Variants in NFASC observed in about 807,000 individuals in gnomAD.
NFASC encodes neurofascin.
A neutral mutation model predicts 147.5 loss-of-function variants in NFASC; 43 were observed. The ratio of observed to expected loss-of-function variants is 0.29; its 90% CI spans 0.23 to 0.38. The LOEUF is 0.38. Among genes scored for constraint, NFASC ranks in the 10% least tolerant of loss-of-function variants. The probability of loss-of-function intolerance (pLI) is 1.00; values close to 1 mark genes in which losing one functional copy is unlikely to be tolerated. For missense variants in NFASC, 1,320 were observed against 1,689.0 expected, an observed-to-expected ratio of 0.78 and a Z score of 3.83; for synonymous variants, 622 against 665.5, an observed-to-expected ratio of 0.93 and a Z score of 1.01.
At chr1:204,836,158 CTGTGTGTGCG>C (rs1673730603) in intron 1 of NFASC, among the ~76,000 whole-genome samples, 1 of 151,850 alleles carries the variant, frequency 6.6e-6, no homozygotes, top group Non-Finnish European at 1.5e-5. Flanking sequence ...GCATGTATGT[CTGTGTGTGCG>C]TGTGTGTGTG....
chr1:204,883,547 G>C (rs2080725540), intron 1 of NFASC, among the ~76,000 whole-genome samples: 1 of 152,208 alleles, frequency 6.6e-6, no homozygotes, highest in South Asian at 2.1e-4. Context: ...CAGCCCTCCG[G>C]AGGATGGTCC....
intron 1 of NFASC, among the ~76,000 whole-genome samples, chr1:204,899,243 C>G (rs1224711726): frequency 1.3e-5 from 2 of 152,350 alleles, no homozygotes; most frequent in East Asian, 3.9e-4. Flanking sequence ...TTTTCCTGAA[C>G]CACTGCAAAA....
intron 3 of NFASC, among the ~76,000 whole-genome samples, chr1:204,949,801 C>T (rs1161922013): frequency 6.6e-6 from 1 of 152,222 alleles, no homozygotes; most frequent in African/African-American, 2.4e-5. Context: ...ATACATCCAC[C>T]TGCACAGGAG....
At chr1:205,007,257 A>C (rs1321599506) in intron 27 of NFASC, among the ~76,000 whole-genome samples, 2 of 152,054 alleles carry the variant, frequency 1.3e-5, no homozygotes, top group African/African-American at 4.8e-5. Flanking sequence ...TTAGCTAGGC[A>C]TGGTGACATG....
rs1395051180 is a variant in NFASC at position 204,970,636 on chromosome 1, G to A, written c.1024G>A (p.Glu342Lys). 4.3e-6 allele frequency: 7 copies of A among 1,614,044 alleles called. No homozygotes were observed. Among genetic ancestry groups the A allele is most frequent in the East Asian group, 4.5e-5 (2 of 44,882 alleles). ...RVKAAPYWLDEPKNLILAPGE... is the reference protein window; with the variant it reads ...RVKAAPYWLDKPKNLILAPGE... ...TCCAGCTGCTCCCTACTGGCTGGAC[G>A]AACCCAAGAACCTTATTCTGGCTCC... Residue 342 changes from glutamate to lysine, a missense_variant, in exon 11 of 30, where the codon GAA becomes AAA. Around this residue, in one of 3 missense-constraint regions of NFASC, gnomAD observed 981 missense variants for 1,289.5 expected, o/e 0.76. Coordinates refer to ENST00000339876, the MANE Select transcript of NFASC (RefSeq NM_001005388.3).
At chr1:204,828,840 C>T in intron 1 of NFASC, 58 bp downstream of exon 1, 2 of 980,876 alleles carry the variant, frequency 2.0e-6, no homozygotes, top group Non-Finnish European at 2.4e-6. Flanking sequence ...ACCCACCTAG[C>T]GACACCCCCT....
intron 27 of NFASC, among the ~76,000 whole-genome samples, chr1:205,005,724 T>C (rs1299913670): frequency 3.3e-5 from 5 of 152,256 alleles, no homozygotes; most frequent in Non-Finnish European, 7.3e-5. Context: ...CTTGAGAAAC[T>C]AAATCACTTT....
intron 1 of NFASC, 66 bp from the exon 2 acceptor site, chr1:204,920,566 A>G (rs76996961): frequency 2.4e-6 from 2 of 824,462 alleles, no homozygotes. Context: ...CAAACCACAA[A>G]GGCTTTTTTT....
rs751609822 is a variant in NFASC, at chr1:204,926,970, G to T, written c.-91+6230G>T. ...GGTGCCTGTATTCCCAGCTACTCGG[G>T]AGACTGAGGCAGGAGAATCGCTTGA... On this transcript the variant is annotated intron_variant, in intron 2 of 29. Transcript: ENST00000339876. 2.6e-5 allele frequency among the ~76,000 whole-genome samples: 4 copies of T among 152,192 alleles called. No homozygotes were observed. The South Asian group carries it at 8.3e-4, about 32-fold the overall frequency.
chr1:204,954,018 C>G lies in NFASC; in HGVS notation c.216-170C>G, dbSNP rs190069136. Among the ~76,000 whole-genome samples, 86 of 152,202 alleles carry G rather than the reference C, an allele frequency of 5.7e-4. No homozygotes were observed. Among genetic ancestry groups the G allele is most frequent in the African/African-American group, 1.9e-3 (78 of 41,520 alleles). On this transcript the variant is annotated intron_variant, in intron 5 of 29. Coordinates refer to ENST00000339876, the MANE Select transcript of NFASC (RefSeq NM_001005388.3). The surrounding 1 kb of genome is among the most constrained non-coding windows in gnomAD (Gnocchi z 5.7). The stretch of plus-strand genomic sequence containing the variant: ...GGGACTTTGCATTTTATTGAGCTCT[C>G]CAGATGGTTCTTCTGCTCAGCCAGG...
intron 1 of NFASC, among the ~76,000 whole-genome samples, chr1:204,856,382 G>GGTGTGTGTGTGTGTGTGTGT (rs57653534): frequency 1.0e-4 from 14 of 139,784 alleles, no homozygotes; most frequent in African/African-American, 3.2e-4. Flanking sequence ...ATGCAGAACA[G>GGTGTGTGTGTGTGTGTGTGT]GTGTGTGTGT....
chr1:204,973,653 C>G (rs11585374), intron 12 of NFASC, among the ~76,000 whole-genome samples: 33 of 152,344 alleles, frequency 2.2e-4, no homozygotes, highest in Non-Finnish European at 4.1e-4. Flanking sequence ...CCTCATTGTA[C>G]AGATGGAAGA....
At chr1:205,001,031 A>G in intron 25 of NFASC, 139 bp from the exon 26 acceptor site, 1 of 672,906 alleles carries the variant, frequency 1.5e-6, no homozygotes, top group South Asian at 1.6e-5. Flanking sequence ...CCCCTTTCCT[A>G]GATGACTGTG....
rs548567408 is a variant in NFASC, at chr1:205,018,964, T to C, written c.*2425T>C. 4 of 152,406 alleles carry C rather than the reference T, an allele frequency of 2.6e-5. No individual in the cohort carries two copies. In the East Asian group the frequency reaches 7.7e-4, roughly 29 times the overall value. The allele number at this position is 152,406 out of a possible 1,614,324, so 9.4% of individuals were successfully genotyped here. A position where few individuals can be genotyped will look rare whatever the true frequency, so the allele number is the denominator to read the frequency against. Reference sequence around the variant, plus strand: ...CTCGTTCCAGTGTCCTGCCAGGCTCTGTACTGTCCTTTGTGTATGAAGAAA... The same window carrying C: ...CTCGTTCCAGTGTCCTGCCAGGCTCCGTACTGTCCTTTGTGTATGAAGAAA... On this transcript the variant is annotated 3_prime_UTR_variant, in exon 30 of 30. Transcript: ENST00000339876.
At chr1:204,839,917 A>G (rs1474452296) in intron 1 of NFASC, among the ~76,000 whole-genome samples, 1 of 152,146 alleles carries the variant, frequency 6.6e-6, no homozygotes, top group East Asian at 1.9e-4. Context: ...GTGGCTCCCC[A>G]TGATCACCCA....
intron 2 of NFASC, among the ~76,000 whole-genome samples, chr1:204,927,896 A>C (rs2091899427): frequency 6.6e-6 from 1 of 152,136 alleles, no homozygotes; most frequent in African/African-American, 2.4e-5. Context: ...TTCCTCCCTG[A>C]GGGGAGCAGA....
intron 2 of NFASC, among the ~76,000 whole-genome samples, chr1:204,935,782 C>T (rs2092763391): frequency 1.3e-5 from 2 of 152,162 alleles, no homozygotes; most frequent in African/African-American, 4.8e-5. Flanking sequence ...AGCACTGCAG[C>T]CTTAGCCTGG....
Position 204,979,462 on chromosome 1 carries a change from CCCGTATG to C in NFASC, c.2080_2086del (p.Pro694SerfsTer39). The C allele has an allele frequency of 6.2e-7, 1 of 1,614,006 alleles. No homozygotes were observed. The highest frequency in any genetic ancestry group is 8.5e-7 in the Non-Finnish European group (1 of 1,179,994). On this transcript the variant is annotated frameshift_variant, in exon 19 of 30. Coordinates refer to ENST00000339876, the MANE Select transcript of NFASC (RefSeq NM_001005388.3). LOFTEE classifies it high-confidence loss of function. This position sits in a 1 kb window ranked among gnomAD's most constrained non-coding sequence, Gnocchi z 6.0. Reference sequence around the variant, plus strand: ...TTAACTCAGCCGTCCTCCGGCTGTCCCCGTATGTCAACTACCAGTTCCGTGTCATTGC... The same window carrying C: ...TTAACTCAGCCGTCCTCCGGCTGTCCTCAACTACCAGTTCCGTGTCATTGC...
At chr1:204,948,275 A>C (rs1410228095) in intron 3 of NFASC, among the ~76,000 whole-genome samples, 1 of 152,226 alleles carries the variant, frequency 6.6e-6, no homozygotes, top group Non-Finnish European at 1.5e-5. Flanking sequence ...CATCCGTACA[A>C]GCTGTCCCCA....
Sources: gnomAD v4.1 joint callset for allele counts (sites outside exome capture counted in the v4.1 genomes callset) on GRCh38, gnomAD v4.1.1 for gene constraint, gnomAD v4.1.1 regional missense constraint, Gnocchi (gnomAD v3.1) non-coding constraint, MANE v1.5 for transcripts, NCBI Gene and HGNC (gene_info 2026-07-23, HGNC 2026-07-21) for gene names.